The following ZNF804B variants were observed in gnomAD, a reference collection of about 807,000 sequenced individuals.
ZNF804B encodes the protein zinc finger protein 804B.
A neutral mutation model predicts 101.4 loss-of-function variants in ZNF804B; 80 were observed. The ratio of observed to expected loss-of-function variants is 0.79; its 90% CI spans 0.66 to 0.95. The LOEUF (loss-of-function observed/expected upper bound fraction) is 0.95, where lower values mean the gene tolerates loss of function less well. Among genes scored for constraint, ZNF804B ranks in the 40% least tolerant of loss-of-function variants. The pLI, the probability that ZNF804B is intolerant of heterozygous loss-of-function variation, is 0.00. For synonymous variants in ZNF804B, 622 were observed against 558.8 expected (o/e 1.11, Z -1.59); for missense variants, 1,673 against 1,561.9 (o/e 1.07, Z -1.20).
chr7:89,190,924 TA>T (rs1357779453), intron 1 of ZNF804B, among the ~76,000 whole-genome samples: 3 of 152,136 alleles, frequency 2.0e-5, no homozygotes, highest in African/African-American at 7.2e-5. Flanking sequence ...ATTGCACACA[TA>T]ATAGACTATA....
chr7:88,844,134 A>G (rs1424576557), intron 1 of ZNF804B, among the ~76,000 whole-genome samples: 2 of 152,182 alleles, frequency 1.3e-5, no homozygotes, highest in Non-Finnish European at 2.9e-5. Flanking sequence ...AATTACAGAT[A>G]TGATACCTCA....
intron 1 of ZNF804B, among the ~76,000 whole-genome samples, chr7:89,133,260 C>G (rs544774290): frequency 4.4e-4 from 67 of 152,132 alleles, no homozygotes; most frequent in Non-Finnish European, 8.8e-4. Flanking sequence ...TGGTTCACCA[C>G]AAATTTTTCA....
chr7:88,817,351 G>A (rs1197717664), intron 1 of ZNF804B, among the ~76,000 whole-genome samples: 1 of 151,980 alleles, frequency 6.6e-6, no homozygotes, highest in Non-Finnish European at 1.5e-5. Context: ...TGCACCTTGT[G>A]CACATGTACG....
In ZNF804B at chr7:88,824,682, A is replaced by G. The variant is rs1009003363; in HGVS notation, c.108+64598A>G. Among the ~76,000 whole-genome samples, 6 of 152,166 alleles carry G rather than the reference A, an allele frequency of 3.9e-5. No homozygotes were observed. In the East Asian group the frequency reaches 9.7e-4, roughly 25 times the overall value. ...CTATCTCCCATAAGCTTGATGGTGA[A>G]TAAAGCTCATTTTGTGTTATCATTG... On this transcript the variant is annotated intron_variant, in intron 1 of 3. Transcript: ENST00000333190.
intron 1 of ZNF804B, among the ~76,000 whole-genome samples, chr7:88,863,877 G>A (rs1299653368): frequency 3.3e-5 from 5 of 152,194 alleles, no homozygotes; most frequent in African/African-American, 7.2e-5. Flanking sequence ...AAAATTGGCC[G>A]TCACGTGCCT....
intron 1 of ZNF804B, among the ~76,000 whole-genome samples, chr7:88,760,384 T>A (rs1024941936): frequency 3.5e-4 from 54 of 152,234 alleles, no homozygotes; most frequent in Admixed American, 3.1e-3. Context: ...AGCTCCTCTG[T>A]GCTATGTCAA....
chr7:88,803,478 A>T (rs1169125315), intron 1 of ZNF804B, among the ~76,000 whole-genome samples: 4 of 152,190 alleles, frequency 2.6e-5, no homozygotes, highest in African/African-American at 9.6e-5. Context: ...CACCAGTTGG[A>T]TACAGTCTGA....
chr7:89,325,088 T>C (rs2115977455), intron 2 of ZNF804B, among the ~76,000 whole-genome samples: 1 of 152,094 alleles, frequency 6.6e-6, no homozygotes, highest in Admixed American at 6.6e-5. Context: ...CTAGACACTG[T>C]TTTTCTTAAA....
At chr7:89,299,533 T>C (rs1052900753) in intron 2 of ZNF804B, among the ~76,000 whole-genome samples, 5 of 152,096 alleles carry the variant, frequency 3.3e-5, no homozygotes, top group Non-Finnish European at 7.4e-5. Flanking sequence ...TGAAGTGAAA[T>C]ATCACAGTTT....
At chr7:88,792,480 A>G (rs1790395724) in intron 1 of ZNF804B, among the ~76,000 whole-genome samples, 1 of 152,134 alleles carries the variant, frequency 6.6e-6, no homozygotes, top group Non-Finnish European at 1.5e-5. Flanking sequence ...TCTCTTACAT[A>G]TGCTCGTCTT....
rs1346488118 is a variant in ZNF804B, at chr7:89,299,005, C to T, written c.250-28339C>T. ...ACTTAACTTGGAGACCTTTATGGCC[C>T]ATTTTTCTCAGATACCACACCTACT... On this transcript the variant is annotated intron_variant, in intron 2 of 3. Transcript: ENST00000333190. 2.6e-5 allele frequency among the ~76,000 whole-genome samples: 4 copies of T among 151,908 alleles called. No homozygotes were observed. The East Asian group carries it at 7.7e-4, about 29-fold the overall frequency.
chr7:88,775,121 A>C (rs1326841151), intron 1 of ZNF804B, among the ~76,000 whole-genome samples: 2 of 152,234 alleles, frequency 1.3e-5, no homozygotes, highest in Non-Finnish European at 2.9e-5. Flanking sequence ...GCCTTATATA[A>C]AAATGTATAA....
chr7:89,106,474 G>A (rs977468807), intron 1 of ZNF804B, among the ~76,000 whole-genome samples: 9 of 152,182 alleles, frequency 5.9e-5, no homozygotes, highest in African/African-American at 9.6e-5. Context: ...AAACTAGCCC[G>A]AGATTGATGG....
chr7:88,764,775 G>T lies in ZNF804B; in HGVS notation c.108+4691G>T, dbSNP rs148549010. On this transcript the variant is annotated intron_variant, in intron 1 of 3. Transcript: ENST00000333190. The stretch of plus-strand genomic sequence containing the variant: ...CTTTCAAAATTGCTCTTAAAGTGAT[G>T]CACTTTTCAAGTGCAAAATATAATT... 5.7e-3 allele frequency among the ~76,000 whole-genome samples: 863 copies of T among 152,152 alleles called. 5 individuals are homozygous for T. Among genetic ancestry groups the T allele is most frequent in the Non-Finnish European group, 8.4e-3 (568 of 67,962 alleles).
intron 1 of ZNF804B, among the ~76,000 whole-genome samples, chr7:89,060,463 G>A (rs1242505452): frequency 1.3e-5 from 2 of 152,068 alleles, no homozygotes; most frequent in African/African-American, 4.8e-5. Flanking sequence ...AATTGAAATG[G>A]CAGAGCAATA....
intron 3 of ZNF804B, among the ~76,000 whole-genome samples, chr7:89,327,883 A>G (rs1790920766): frequency 6.6e-6 from 1 of 151,974 alleles, no homozygotes; most frequent in Non-Finnish European, 1.5e-5. Flanking sequence ...TACAAATAAC[A>G]CGATCATTGT....
At chr7:89,165,204 T>C (rs1210980535) in intron 1 of ZNF804B, among the ~76,000 whole-genome samples, 2 of 152,080 alleles carry the variant, frequency 1.3e-5, no homozygotes, top group South Asian at 2.1e-4. Flanking sequence ...TCTGCCATTC[T>C]TACAGTCTGA....
chr7:88,919,863 G>T (rs1792694105), intron 1 of ZNF804B, among the ~76,000 whole-genome samples: 1 of 152,060 alleles, frequency 6.6e-6, no homozygotes. Context: ...GTTCAGTAGA[G>T]AAGAAAAGTA....
chr7:88,945,607 T>G (rs1416816803), intron 1 of ZNF804B, among the ~76,000 whole-genome samples: 2 of 113,932 alleles, frequency 1.8e-5, no homozygotes, highest in Non-Finnish European at 3.4e-5. Flanking sequence ...TTTAAAGTAG[T>G]TTTTTCTAAT....
Sources: gnomAD v4.1 joint callset for allele counts (sites outside exome capture counted in the v4.1 genomes callset) on GRCh38, gnomAD v4.1.1 for gene constraint, MANE v1.5 for transcripts, NCBI Gene and HGNC (gene_info 2026-07-23, HGNC 2026-07-21) for gene names.